Variants in WDR27 observed in about 807,000 individuals in gnomAD.
WDR27 encodes WD repeat domain 27.
WDR27 carries 100 observed loss-of-function variants against 114.4 expected under a neutral mutation model. The observed-to-expected ratio is 0.87, with a 90% CI of 0.74 to 1.03. The LOEUF is 1.03. WDR27 is among the 50% of genes least tolerant of loss of function. The pLI, the probability that WDR27 is intolerant of heterozygous loss-of-function variation, is 0.00. For missense variants in WDR27, 1,129 were observed against 1,092.9 expected (o/e 1.03, Z -0.47); for synonymous variants, 449 against 423.1 (o/e 1.06, Z -0.75).
At chr6:169,642,517 A>G (rs1819479381) in intron 17 of WDR27, among the ~76,000 whole-genome samples, 2 of 152,094 alleles carry the variant, frequency 1.3e-5, no homozygotes, top group Non-Finnish European at 2.9e-5. Context: ...AGGCTGCAGG[A>G]TAGATATGAG....
intron 25 of WDR27, among the ~76,000 whole-genome samples, chr6:169,459,049 TCA>T (rs1410672944): frequency 6.6e-6 from 1 of 151,866 alleles, no homozygotes; most frequent in Admixed American, 6.6e-5. Context: ...AATTAAAAGA[TCA>T]CAAGGCATTC....
chr6:169,549,415 T>C (rs1797829133), intron 25 of WDR27, among the ~76,000 whole-genome samples: 1 of 152,190 alleles, frequency 6.6e-6, no homozygotes, highest in Admixed American at 6.5e-5. Context: ...CTCCCATTCA[T>C]TGCTGGTGGG....
At chr6:169,502,884 T>A (rs759726082) in intron 25 of WDR27, among the ~76,000 whole-genome samples, 2 of 151,970 alleles carry the variant, frequency 1.3e-5, no homozygotes, top group Non-Finnish European at 2.9e-5. Context: ...AAGATTCGAG[T>A]AGATGGATTT....
chr6:169,531,229 G>C (rs915269793), intron 25 of WDR27, among the ~76,000 whole-genome samples: 21 of 152,320 alleles, frequency 1.4e-4, no homozygotes, highest in Non-Finnish European at 2.8e-4. Context: ...CTTAGGTCCA[G>C]AGTTAGGAAG....
At position 169,457,370 on chromosome 6, in the gene WDR27, C is replaced by G. The variant is rs1175371592; in HGVS notation, c.*222G>C. 7.2e-6 allele frequency: 3 copies of G among 416,298 alleles called. No individual in the cohort carries two copies. The highest frequency in any genetic ancestry group is 1.3e-5 in the Non-Finnish European group (3 of 231,020). The allele number at this position is 416,298 out of a possible 1,614,324, so 25.8% of individuals were successfully genotyped here. Reference sequence around the variant, plus strand: ...AAGTACTGGACGCCATTTCCATTTTCCCAATGAAGGGGATCCCTTTTGAGG... The same window carrying G: ...AAGTACTGGACGCCATTTCCATTTTGCCAATGAAGGGGATCCCTTTTGAGG... On this transcript the variant is annotated 3_prime_UTR_variant, in exon 26 of 26. Coordinates refer to ENST00000448612, the MANE Select transcript of WDR27 (RefSeq NM_182552.5).
intron 3 of WDR27, 88 bp downstream of exon 3, chr6:169,672,167 A>C: frequency 7.3e-7 from 1 of 1,376,878 alleles, no homozygotes; most frequent in Non-Finnish European, 9.9e-7. Context: ...TACCCAAGGG[A>C]AACACCCCTT....
intron 25 of WDR27, among the ~76,000 whole-genome samples, chr6:169,489,680 C>T (rs1455507415): frequency 4.6e-5 from 7 of 152,282 alleles, no homozygotes; most frequent in South Asian, 2.1e-4. Flanking sequence ...GGTCAGATCC[C>T]GCTCCAGATC....
At chr6:169,442,256 G>A in the WDR27 span, among the ~76,000 whole-genome samples, 3 of 152,118 alleles carry the variant, frequency 2.0e-5, no homozygotes, top group South Asian at 4.1e-4. Flanking sequence ...AATTCAAAAG[G>A]CTCCCTTTAT....
At chr6:169,590,778 G>A (rs576421013) in intron 23 of WDR27, among the ~76,000 whole-genome samples, 15 of 152,312 alleles carry the variant, frequency 9.8e-5, no homozygotes, top group Non-Finnish European at 1.6e-4. Flanking sequence ...ACCACCCACC[G>A]GTCTAACCAG....
chr6:169,461,800 CAG>C (rs770475823), intron 25 of WDR27, among the ~76,000 whole-genome samples: 17 of 151,460 alleles, frequency 1.1e-4, no homozygotes, highest in Non-Finnish European at 1.9e-4. Context: ...AAAAGAAAAA[CAG>C]AGAAAAACAA....
chr6:169,663,194 T>A (rs955928664), intron 8 of WDR27, among the ~76,000 whole-genome samples: 1 of 152,136 alleles, frequency 6.6e-6, no homozygotes, highest in Non-Finnish European at 1.5e-5. Context: ...TTGAAAGAAC[T>A]TAACTTCATA....
intron 25 of WDR27, among the ~76,000 whole-genome samples, chr6:169,461,494 A>G (rs1167604639): frequency 6.6e-6 from 1 of 152,218 alleles, no homozygotes; most frequent in Non-Finnish European, 1.5e-5. Flanking sequence ...TGGAAATTAA[A>G]TGACACACTC....
At chr6:169,577,640 T>A (rs575745284) in intron 24 of WDR27, among the ~76,000 whole-genome samples, 2 of 152,186 alleles carry the variant, frequency 1.3e-5, no homozygotes, top group Non-Finnish European at 2.9e-5. Context: ...GCTTAGCCCG[T>A]GAGCCCCGCA....
chr6:169,471,304 C>G (rs1786355418), intron 25 of WDR27, among the ~76,000 whole-genome samples: 1 of 152,088 alleles, frequency 6.6e-6, no homozygotes, highest in Non-Finnish European at 1.5e-5. Flanking sequence ...TTGTTCACAG[C>G]CAATCATCAT....
At chr6:169,447,105 A>G in the WDR27 span, among the ~76,000 whole-genome samples, 3 of 152,290 alleles carry the variant, frequency 2.0e-5, no homozygotes, top group East Asian at 3.9e-4. Context: ...TCACAATAAA[A>G]TTTTTCCATA....
chr6:169,696,777 G>A (rs1459830983), intron 1 of WDR27, among the ~76,000 whole-genome samples: 1 of 152,178 alleles, frequency 6.6e-6, no homozygotes, highest in Non-Finnish European at 1.5e-5. Flanking sequence ...AGCTGGGCAT[G>A]GTGGCACGTG....
At chr6:169,688,151 T>C (rs1358780160) in intron 2 of WDR27, among the ~76,000 whole-genome samples, 1 of 152,198 alleles carries the variant, frequency 6.6e-6, no homozygotes, top group Admixed American at 6.5e-5. Context: ...TATTTTTATT[T>C]TAGCCTTTCA....
intron 2 of WDR27, among the ~76,000 whole-genome samples, chr6:169,683,901 C>T (rs950391289): frequency 5.3e-5 from 8 of 152,158 alleles, no homozygotes; most frequent in Non-Finnish European, 1.5e-5. Flanking sequence ...ACGAAGTGTG[C>T]ACTCCTCACT....
In WDR27 at chr6:169,613,577, C is replaced by CA; in HGVS notation, c.2302dup (p.Trp768LeufsTer9). 1 of 1,613,834 alleles carries CA rather than the reference C, an allele frequency of 6.2e-7. No homozygotes were observed. Among genetic ancestry groups the CA allele is most frequent in the Non-Finnish European group, 8.5e-7 (1 of 1,179,812 alleles). On this transcript the variant is annotated frameshift_variant, in exon 22 of 26. Transcript: ENST00000448612. LOFTEE classifies it high-confidence loss of function. The stretch of plus-strand genomic sequence containing the variant: ...GCCTTACCTCAGGGTTCTCAGGTCC[C>CA]ACAGTCTCATCCCATCGCCAATGGC...
Sources: allele counts gnomAD v4.1 joint callset (sites outside exome capture counted in the v4.1 genomes callset), GRCh38; gene constraint gnomAD v4.1.1; transcripts MANE v1.5; gene names NCBI Gene and HGNC (gene_info 2026-07-23, HGNC 2026-07-21).